Variants in ABR observed in about 807,000 individuals in gnomAD.
ABR encodes active breakpoint cluster region-related protein.
ABR carries 35 observed loss-of-function variants against 107.2 expected under a neutral mutation model. The observed-to-expected ratio is 0.33, with a 90% CI of 0.25 to 0.43. The LOEUF is 0.43. ABR is among the 20% of genes least tolerant of loss of function. The pLI is 1.00. For missense variants in ABR, 815 were observed against 1,115.2 expected, an observed-to-expected ratio of 0.73 and a Z score of 3.83; for synonymous variants, 498 against 462.0, an observed-to-expected ratio of 1.08 and a Z score of -1.00.
intron 2 of ABR, 93 bp from the exon 3 acceptor site, chr17:1,100,828 T>C (rs1016932256): frequency 3.2e-5 from 39 of 1,230,338 alleles, no homozygotes; most frequent in Non-Finnish European, 4.6e-5. Flanking sequence ...CCCCCCGACC[T>C]TTATTTTTTT....
In ABR at chr17:1,102,013, G is replaced by A. The variant is rs138848286; in HGVS notation, c.247-1278C>T. 2.3e-3 allele frequency among the ~76,000 whole-genome samples: 345 copies of A among 152,242 alleles called. 1 individual carries two copies. Among genetic ancestry groups the A allele is most frequent in the African/African-American group, 8.1e-3 (335 of 41,552 alleles). ...CTCCCAAAGTGCTGGGATTACAGGT[G>A]TGAGCCACCGCACCCTGCCGGAAAG... On this transcript the variant is annotated intron_variant, in intron 2 of 22. Coordinates refer to ENST00000302538, the MANE Select transcript of ABR (RefSeq NM_021962.5).
chr17:1,132,015 C>T (rs527915272), intron 1 of ABR, among the ~76,000 whole-genome samples: 5 of 148,610 alleles, frequency 3.4e-5, no homozygotes, highest in Non-Finnish European at 4.4e-5. Flanking sequence ...GTGCCTGCCA[C>T]GCACACAGCT....
intron 1 of ABR, among the ~76,000 whole-genome samples, chr17:1,211,078 G>C (rs1432846327): frequency 1.3e-5 from 2 of 152,180 alleles, no homozygotes; most frequent in African/African-American, 2.4e-5. Context: ...AGGAGTTTGA[G>C]ACCAGCCTGT....
At chr17:1,080,411 A>C (rs866748391) in intron 5 of ABR, among the ~76,000 whole-genome samples, 15 of 152,124 alleles carry the variant, frequency 9.9e-5, no homozygotes, top group African/African-American at 3.4e-4. Context: ...TTCCAGCCCC[A>C]GCTTTTGCTA....
rs112491006 is a variant in ABR, at chr17:1,018,294, G to A, written c.1792-5130C>T. On this transcript the variant is annotated intron_variant, in intron 16 of 22. Coordinates refer to ENST00000302538, the MANE Select transcript of ABR (RefSeq NM_021962.5). ...CCTGACCTCGTGATTCGCCCACCTC[G>A]GCCTCCCAAAGTGCTGGGATTACGG... Among the ~76,000 whole-genome samples, 898 of 152,138 alleles carry A rather than the reference G, an allele frequency of 5.9e-3. 3 individuals are homozygous for A. The highest frequency in any genetic ancestry group is 0.014 in the African/African-American group (589 of 41,490).
rs1054083 is a variant in ABR at position 1,005,289 on chromosome 17, A to G, written c.*791T>C. The G allele has an allele frequency of 0.84, 334,479 of 397,616 alleles. 141,586 individuals are homozygous for G. The highest frequency in any genetic ancestry group is 0.97 in the African/African-American group (47,230 of 48,764). The allele number at this position is 397,616 out of a possible 1,614,324, so 24.6% of individuals were successfully genotyped here. ...ACAGTCAGAGATGCCTCACTGATAG[A>G]CAGGAGGCCGAACAGGTAAACCCCA... is the stretch of plus-strand genomic sequence containing the variant. On this transcript the variant is annotated 3_prime_UTR_variant, in exon 23 of 23. Transcript: ENST00000302538.
upstream of ABR, among the ~76,000 whole-genome samples, chr17:1,183,536 A>G (rs911261992): frequency 6.6e-6 from 1 of 152,094 alleles, no homozygotes; most frequent in Non-Finnish European, 1.5e-5. Flanking sequence ...GGCCTCTCCA[A>G]CGACCAACTC....
intron 1 of ABR, among the ~76,000 whole-genome samples, chr17:1,147,435 A>G (rs1318074764): frequency 6.6e-6 from 1 of 151,052 alleles, no homozygotes; most frequent in Non-Finnish European, 1.5e-5. Flanking sequence ...ATCTTGGCTC[A>G]CTGCAACCTC....
In ABR at chr17:1,179,280, G is replaced by A. The variant is rs1464900084; in HGVS notation, c.61+387C>T. On this transcript the variant is annotated intron_variant, in intron 1 of 22. Transcript: ENST00000302538. This position sits in a 1 kb window ranked among gnomAD's most constrained non-coding sequence, Gnocchi z 4.9. ...CGGCTTCAGCCTGGACAGAGAAGCT[G>A]CCGGTCCAGGGGCGGGGGCAGCACC... 6.6e-6 allele frequency among the ~76,000 whole-genome samples: 1 copy of A among 152,078 alleles called. No individual in the cohort carries two copies. The highest frequency in any genetic ancestry group is 2.4e-5 in the African/African-American group (1 of 41,402).
chr17:1,019,845 G>A (rs1218515717), intron 16 of ABR, among the ~76,000 whole-genome samples: 7 of 152,232 alleles, frequency 4.6e-5, no homozygotes, highest in Admixed American at 4.6e-4. Context: ...CATGGGCCCA[G>A]GGGAGCAGGT....
At chr17:1,184,076 T>C (rs985257785), upstream of ABR, among the ~76,000 whole-genome samples, 2 of 150,998 alleles carry the variant, frequency 1.3e-5, no homozygotes, top group African/African-American at 2.4e-5. Context: ...CCAGGCGTGG[T>C]GCATGTGCCT....
upstream of ABR, among the ~76,000 whole-genome samples, chr17:1,180,484 C>T (rs987394041): frequency 2.0e-5 from 3 of 152,086 alleles, no homozygotes; most frequent in Non-Finnish European, 4.4e-5. Context: ...TGAGCGCGGC[C>T]GTTCCCGCCA....
chr17:1,123,552 G>A (rs375279650), intron 2 of ABR, among the ~76,000 whole-genome samples: 13 of 152,208 alleles, frequency 8.5e-5, no homozygotes, highest in African/African-American at 2.9e-4. Context: ...TGGTGGTCAC[G>A]CGACAAGGAC....
At chr17:1,058,963 T>G in intron 10 of ABR, 96 bp from the exon 11 acceptor site, 2 of 1,510,360 alleles carry the variant, frequency 1.3e-6, no homozygotes, top group Non-Finnish European at 1.8e-6. Context: ...TAACATGCTC[T>G]TTACATTTTC....
At chr17:1,103,323 G>A (rs2038031996) in intron 2 of ABR, among the ~76,000 whole-genome samples, 1 of 152,082 alleles carries the variant, frequency 6.6e-6, no homozygotes, top group South Asian at 2.1e-4. Flanking sequence ...GCCTGGAACA[G>A]CCCCCAGCTC....
chr17:1,072,069 A>G (rs1597673408), intron 8 of ABR, among the ~76,000 whole-genome samples: 1 of 152,030 alleles, frequency 6.6e-6, no homozygotes, highest in Non-Finnish European at 1.5e-5. Context: ...ACGCCCAGCT[A>G]ATTTTTGTAT....
chr17:1,167,955 C>G lies in ABR; in HGVS notation c.61+11712G>C, dbSNP rs56723129. Among the ~76,000 whole-genome samples the G allele has an allele frequency of 3.7e-3, 558 of 152,308 alleles. 13 individuals carry two copies. The highest frequency in any genetic ancestry group is 0.022 in the South Asian group (108 of 4,824). On this transcript the variant is annotated intron_variant, in intron 1 of 22. Coordinates refer to ENST00000302538, the MANE Select transcript of ABR (RefSeq NM_021962.5). ...ATCACTTGAGGTCAGGAGTTCAAAG[C>G]AGCCTGGCCAACATGGTGAAACCCC...
At chr17:1,062,523 C>G in intron 10 of ABR, among the ~76,000 whole-genome samples, 1 of 125,426 alleles carries the variant, frequency 8.0e-6, no homozygotes, top group Non-Finnish European at 1.7e-5. Context: ...TATGCATGTT[C>G]CTCTAGACAC....
At chr17:1,031,593 GGCACCTTGTTTCGGA>G (rs2072768495) in intron 16 of ABR, 2 of 1,154,410 alleles carry the variant, frequency 1.7e-6, no homozygotes, top group Non-Finnish European at 2.1e-6. Flanking sequence ...AGCCCCCGCG[GGCACCTTGTTTCGGA>G]GCAGCTTGTT....
Sources: gnomAD v4.1 joint callset for allele counts (sites outside exome capture counted in the v4.1 genomes callset) on GRCh38, gnomAD v4.1.1 for gene constraint, Gnocchi (gnomAD v3.1) non-coding constraint, MANE v1.5 for transcripts, NCBI Gene and HGNC (gene_info 2026-07-23, HGNC 2026-07-21) for gene names.